ARHGAP12: variants seen among roughly 807,000 people sequenced by gnomAD.
ARHGAP12 encodes the protein rho GTPase-activating protein 12.
ARHGAP12 carries 64 observed loss-of-function variants against 108.6 expected under a neutral mutation model. The observed-to-expected ratio is 0.59, with a 90% CI of 0.48 to 0.73. The LOEUF is 0.73. ARHGAP12 is among the 30% of genes least tolerant of loss of function. The pLI is 0.00. For missense variants in ARHGAP12, 940 were observed against 1,005.9 expected (o/e 0.93, Z 0.89); for synonymous variants, 312 against 337.2 (o/e 0.93, Z 0.82).
rs144587920 is a variant in ARHGAP12, at chr10:31,856,943, C to G, written c.949-2737G>C. ...AACTATAAAGAATATTACTTGACAA[C>G]TGAGAAACAATGAATATTAGCCATG... On this transcript the variant is annotated intron_variant, in intron 4 of 19. Coordinates refer to ENST00000344936, the MANE Select transcript of ARHGAP12 (RefSeq NM_018287.7). 2.0e-5 allele frequency among the ~76,000 whole-genome samples: 3 copies of G among 152,206 alleles called. No homozygotes were observed. The East Asian group carries it at 5.8e-4, about 29-fold the overall frequency.
At chr10:31,847,049 T>C (rs1329091057) in intron 6 of ARHGAP12, among the ~76,000 whole-genome samples, 1 of 152,150 alleles carries the variant, frequency 6.6e-6, no homozygotes, top group Non-Finnish European at 1.5e-5. Flanking sequence ...TTTTTGGCTC[T>C]AGGATTTCCC....
intron 3 of ARHGAP12, among the ~76,000 whole-genome samples, chr10:31,870,967 G>A (rs1837521721): frequency 6.6e-6 from 1 of 152,194 alleles, no homozygotes; most frequent in African/African-American, 2.4e-5. Flanking sequence ...CCCTGTCCTT[G>A]AGGAGCCAAT....
At chr10:31,813,490 C>A (rs557978916) in intron 14 of ARHGAP12, among the ~76,000 whole-genome samples, 1 of 152,092 alleles carries the variant, frequency 6.6e-6, no homozygotes, top group Non-Finnish European at 1.5e-5. Flanking sequence ...CATGAAGAAT[C>A]TATAATATAG....
chr10:31,833,880 T>A (rs934507349), intron 9 of ARHGAP12, among the ~76,000 whole-genome samples: 1 of 151,916 alleles, frequency 6.6e-6, no homozygotes, highest in African/African-American at 2.4e-5. Context: ...AAGTATTGGG[T>A]GAGGTGGAGA....
chr10:31,871,849 A>C (rs1257792447), intron 3 of ARHGAP12, among the ~76,000 whole-genome samples: 1 of 152,202 alleles, frequency 6.6e-6, no homozygotes, highest in African/African-American at 2.4e-5. Context: ...ATGGGAGTGC[A>C]CAATTAGGAA....
At chr10:31,827,573 T>C (rs1835662846) in intron 10 of ARHGAP12, among the ~76,000 whole-genome samples, 1 of 152,028 alleles carries the variant, frequency 6.6e-6, no homozygotes, top group Admixed American at 6.6e-5. Context: ...GGGTGGATCA[T>C]GAGGTCAGGA....
intron 1 of ARHGAP12, among the ~76,000 whole-genome samples, chr10:31,916,339 C>T (rs571195809): frequency 1.9e-4 from 29 of 152,278 alleles, no homozygotes; most frequent in Non-Finnish European, 4.0e-4. Context: ...TCAACAACCA[C>T]CACCCCCGAC....
Position 31,806,450 on chromosome 10 carries a change from T to G in ARHGAP12, c.*1208A>C, listed in dbSNP as rs1592234559. 1 of 152,736 alleles carries G rather than the reference T, an allele frequency of 6.5e-6. No homozygotes were observed. The highest frequency in any genetic ancestry group is 1.5e-5 in the Non-Finnish European group (1 of 68,016). 9.5% of individuals were successfully genotyped at this position (152,736 alleles called of 1,614,324 possible). A position where few individuals can be genotyped will look rare whatever the true frequency, so the allele number is the denominator to read the frequency against. On this transcript the variant is annotated 3_prime_UTR_variant, in exon 20 of 20. Transcript: ENST00000344936. ...TTTTATTATACAAAGCAATCTACATTAGTAGGTAAAAAGAAATTCTCAAAT... is the reference window on the plus strand; with the variant it reads ...TTTTATTATACAAAGCAATCTACATGAGTAGGTAAAAAGAAATTCTCAAAT...
chr10:31,855,359 G>A (rs934737933), intron 4 of ARHGAP12, among the ~76,000 whole-genome samples: 1 of 152,086 alleles, frequency 6.6e-6, no homozygotes, highest in African/African-American at 2.4e-5. Context: ...ATGTGCAAAT[G>A]ACCCTTCCTA....
intron 1 of ARHGAP12, among the ~76,000 whole-genome samples, chr10:31,925,927 T>C (rs1436187479): frequency 6.6e-6 from 1 of 152,258 alleles, no homozygotes; most frequent in African/African-American, 2.4e-5. Context: ...AATGATATTG[T>C]GAATATACTA....
intron 4 of ARHGAP12, among the ~76,000 whole-genome samples, chr10:31,861,021 C>A (rs1436348736): frequency 6.6e-6 from 1 of 152,220 alleles, no homozygotes; most frequent in Non-Finnish European, 1.5e-5. Context: ...CACCAGGGCT[C>A]TCCAGCCTGG....
At chr10:31,845,539 C>T (rs1424436208) in intron 6 of ARHGAP12, among the ~76,000 whole-genome samples, 1 of 152,094 alleles carries the variant, frequency 6.6e-6, no homozygotes, top group African/African-American at 2.4e-5. Context: ...AATCCCAACA[C>T]TTTGGGAGGC....
At chr10:31,871,023 C>T (rs529104775) in intron 3 of ARHGAP12, among the ~76,000 whole-genome samples, 1 of 152,298 alleles carries the variant, frequency 6.6e-6, no homozygotes, top group East Asian at 1.9e-4. Context: ...CAGCTAACTG[C>T]TGCAGAGAGA....
chr10:31,924,889 C>T (rs1448832604), intron 1 of ARHGAP12, among the ~76,000 whole-genome samples: 1 of 152,056 alleles, frequency 6.6e-6, no homozygotes, highest in African/African-American at 2.4e-5. Context: ...AGAAAAAAAA[C>T]TTTGTAACTT....
intron 3 of ARHGAP12, among the ~76,000 whole-genome samples, chr10:31,882,231 T>G (rs1564409149): frequency 6.6e-6 from 1 of 152,212 alleles, no homozygotes; most frequent in Non-Finnish European, 1.5e-5. Flanking sequence ...CATCTATGTT[T>G]AAAATATTTT....
At chr10:31,837,830 T>C (rs1051963687) in intron 9 of ARHGAP12, among the ~76,000 whole-genome samples, 4 of 152,182 alleles carry the variant, frequency 2.6e-5, no homozygotes, top group African/African-American at 4.8e-5. Flanking sequence ...CATAATAAAA[T>C]TTTGTCTTTT....
At chr10:31,870,343 G>A (rs1004459758) in intron 3 of ARHGAP12, among the ~76,000 whole-genome samples, 4 of 150,670 alleles carry the variant, frequency 2.7e-5, no homozygotes, top group Non-Finnish European at 4.4e-5. Flanking sequence ...AAATTCTCCT[G>A]CCTCAGCCTC....
Position 31,820,391 on chromosome 10 carries a change from A to C in ARHGAP12, c.1628T>G (p.Phe543Cys). 1 of 1,608,066 alleles carries C rather than the reference A, an allele frequency of 6.2e-7. No homozygotes were observed. The highest frequency in any genetic ancestry group is 8.5e-7 in the Non-Finnish European group (1 of 1,177,230). The stretch of plus-strand genomic sequence containing the variant: ...ACTTAGAAAAAAATGTATTACCTCA[A>C]ATACATTCTTTTTGCTGGATTTATC... Reference protein sequence around the residue: ...SKDKSSKKNVFELKTRQGTEL... With the variant: ...SKDKSSKKNVCELKTRQGTEL... Residue 543 changes from phenylalanine to cysteine, a missense_variant, in exon 12 of 20, where the codon TTT (phenylalanine) becomes TGT (cysteine). Phe to Cys is a radical substitution (Grantham distance 205). Transcript: ENST00000344936.
At chr10:31,817,453 C>T (rs1188651406) in intron 13 of ARHGAP12, among the ~76,000 whole-genome samples, 1 of 152,158 alleles carries the variant, frequency 6.6e-6, no homozygotes, top group Non-Finnish European at 1.5e-5. Context: ...ACTTCTTCCA[C>T]CAAATAGTAT....
Sources: allele counts gnomAD v4.1 joint callset (sites outside exome capture counted in the v4.1 genomes callset), GRCh38; gene constraint gnomAD v4.1.1; transcripts MANE v1.5; gene names NCBI Gene and HGNC (gene_info 2026-07-23, HGNC 2026-07-21).